CFAP47: variants seen among roughly 807,000 people sequenced by gnomAD.
CFAP47 encodes cilia and flagella associated protein 47, also known as cilia- and flagella-associated protein 47.
Under a neutral mutation model 148.1 loss-of-function variants are expected in CFAP47, and 29 were observed. The observed-to-expected ratio is 0.20, with a 90% CI of 0.15 to 0.27. The LOEUF is 0.27. Ranked by LOEUF, CFAP47 falls within the 10% of genes least tolerant of loss-of-function variation. CFAP47 has a pLI of 1.00. For missense variants in CFAP47, 1,872 were observed against 1,697.5 expected, an observed-to-expected ratio of 1.10 and a Z score of -1.81; for synonymous variants, 664 against 577.3, an observed-to-expected ratio of 1.15 and a Z score of -2.15.
At chrX:36,026,011 A>G (rs1937211803) in intron 22 of CFAP47, among the ~76,000 whole-genome samples, 1 of 111,956 alleles carries the variant, frequency 8.9e-6, no homozygotes, top group Non-Finnish European at 1.9e-5. Context: ...GTTGATAAAT[A>G]TGTAATACTT....
chrX:36,034,098 A>T (rs763967787), intron 23 of CFAP47, among the ~76,000 whole-genome samples: 3 of 111,780 alleles, frequency 2.7e-5, no homozygotes, highest in Non-Finnish European at 5.7e-5. Flanking sequence ...TCCAACCAGG[A>T]TAGCACATTG....
At chrX:36,076,593 T>C (rs1937862509) in intron 29 of CFAP47, among the ~76,000 whole-genome samples, 1 of 111,127 alleles carries the variant, frequency 9.0e-6, no homozygotes, top group South Asian at 3.8e-4. Flanking sequence ...TTATTTGTTT[T>C]TTGCTTTTAA....
chrX:36,314,250 T>C (rs1305430048), intron 56 of CFAP47, among the ~76,000 whole-genome samples: 4 of 111,570 alleles, frequency 3.6e-5, no homozygotes, highest in Non-Finnish European at 7.5e-5. Context: ...TTTATATATT[T>C]CTAACTCTGT....
At chrX:36,133,700 C>T (rs1938989273) in intron 33 of CFAP47, among the ~76,000 whole-genome samples, 1 of 108,494 alleles carries the variant, frequency 9.2e-6, no homozygotes, top group South Asian at 4.0e-4. Flanking sequence ...ACATTCAAAC[C>T]ATAGCAATAC....
At chrX:36,288,826 A>G (rs1188490079) in intron 51 of CFAP47, among the ~76,000 whole-genome samples, 1 of 110,985 alleles carries the variant, frequency 9.0e-6, no homozygotes, top group African/African-American at 3.3e-5. Context: ...TGAGCTCGGG[A>G]GTTTGAGACC....
chrX:35,961,812 C>T (rs1384513907), intron 8 of CFAP47, among the ~76,000 whole-genome samples: 1 of 111,011 alleles, frequency 9.0e-6, no homozygotes, highest in Non-Finnish European at 1.9e-5. Context: ...TTTCTATTAT[C>T]TTTATTATTT....
chrX:36,143,448 C>T (rs1249693102), intron 35 of CFAP47, among the ~76,000 whole-genome samples: 2 of 111,578 alleles, frequency 1.8e-5, no homozygotes, highest in African/African-American at 3.3e-5. Flanking sequence ...ATTTCTAGGC[C>T]GGGCTCAGAT....
chrX:36,226,032 C>T (rs1048027693), intron 45 of CFAP47, among the ~76,000 whole-genome samples: 25 of 111,894 alleles, frequency 2.2e-4, no homozygotes, highest in Admixed American at 6.6e-4. Flanking sequence ...GTCAAATTCA[C>T]CTCAGAGTTC....
intron 33 of CFAP47, among the ~76,000 whole-genome samples, chrX:36,127,347 G>A (rs922076554): frequency 8.9e-6 from 1 of 111,906 alleles, no homozygotes; most frequent in African/African-American, 3.2e-5. Context: ...TTATTAAATA[G>A]GGAATCTTTT....
chrX:36,192,935 C>T (rs1260556245), intron 42 of CFAP47, among the ~76,000 whole-genome samples: 1 of 111,944 alleles, frequency 8.9e-6, no homozygotes, highest in Non-Finnish European at 1.9e-5. Flanking sequence ...AAAGCATGCC[C>T]ACTCCCAGGT....
chrX:36,006,292 C>T (rs964959820), intron 21 of CFAP47, among the ~76,000 whole-genome samples: 2 of 110,804 alleles, frequency 1.8e-5, no homozygotes, highest in African/African-American at 6.5e-5. Flanking sequence ...CTGTGAAGTG[C>T]CACACTTTGC....
rs189151575 is a variant in CFAP47, at chrX:35,996,423, G to A, written c.3100-889G>A. Among the ~76,000 whole-genome samples, 27 of 111,081 alleles carry A rather than the reference G, an allele frequency of 2.4e-4. 1 individual carries two copies. The highest frequency in any genetic ancestry group is 4.6e-3 in the Middle Eastern group (1 of 216). ...GTAATTCTGAAAAATGGTATTTTGT[G>A]GTTTCTTTGCATATAAACAGTATCA... On this transcript the variant is annotated intron_variant, in intron 18 of 63. Transcript: ENST00000378653.
At chrX:36,239,786 A>G (rs1462430762) in intron 48 of CFAP47, among the ~76,000 whole-genome samples, 3 of 111,815 alleles carry the variant, frequency 2.7e-5, no homozygotes, top group South Asian at 7.4e-4. Flanking sequence ...ACGGATGTTC[A>G]AGATTGTGTA....
chrX:35,920,073 G>A, intron 1 of CFAP47, 25 bp downstream of exon 1: 1 of 1,153,902 alleles, frequency 8.7e-7, no homozygotes, highest in Non-Finnish European at 1.2e-6. Context: ...GGTGCTGGGA[G>A]CGGGACCTTG....
chrX:36,047,038 C>T lies in CFAP47; in HGVS notation c.4192C>T (p.Leu1398Phe), dbSNP rs1459696238. 1 of 1,157,861 alleles carries T rather than the reference C, an allele frequency of 8.6e-7. No homozygotes were observed. The highest frequency in any genetic ancestry group is 1.2e-6 in the Non-Finnish European group (1 of 865,385). The change falls in exon 26 of 64, where the codon CTT (leucine) becomes TTT (phenylalanine). Residue 1398 changes from leucine to phenylalanine, a missense_variant. Transcript: ENST00000378653. ...ACCTGTGTCATTTTTTACCAATCTT[C>T]TTTTCTGTGATGACAGAAAAAACTG... The part of the protein sequence containing the change: ...SKPVSFFTNL[L>F]FCDDRKNWFS...
At chrX:35,939,981 G>A (rs1470589688) in intron 2 of CFAP47, among the ~76,000 whole-genome samples, 3 of 109,125 alleles carry the variant, frequency 2.7e-5, no homozygotes, top group Non-Finnish European at 3.8e-5. Flanking sequence ...TTTCATGATC[G>A]CCATTCTAAC....
In CFAP47 at chrX:36,038,644, C is replaced by T. The variant is rs1477859432; in HGVS notation, c.3812-340C>T. 3.7e-4 allele frequency among the ~76,000 whole-genome samples: 41 copies of T among 111,813 alleles called. No homozygotes were observed. In the Admixed American group the frequency reaches 3.9e-3, roughly 11 times the overall value. On this transcript the variant is annotated intron_variant, in intron 24 of 63. Transcript: ENST00000378653. ...ATCTTCATACTGCATATTTTAAAGG[C>T]CTGGGAAGCTTCTATTAAAACACAG...
intron 2 of CFAP47, among the ~76,000 whole-genome samples, chrX:35,935,621 A>T (rs1421300511): frequency 9.8e-6 from 1 of 101,635 alleles, no homozygotes. Flanking sequence ...TCCTTGTAGG[A>T]GGGATGATAG....
intron 24 of CFAP47, among the ~76,000 whole-genome samples, chrX:36,036,473 T>C (rs1278423086): frequency 9.0e-6 from 1 of 111,376 alleles, no homozygotes; most frequent in Non-Finnish European, 1.9e-5. Context: ...GACACTTTTA[T>C]AATCTGGCTA....
Sources: gnomAD v4.1 joint callset for allele counts (sites outside exome capture counted in the v4.1 genomes callset) on GRCh38, gnomAD v4.1.1 for gene constraint, MANE v1.5 for transcripts, NCBI Gene and HGNC (gene_info 2026-07-23, HGNC 2026-07-21) for gene names.